CEP162: variants seen among roughly 807,000 people sequenced by gnomAD.
The protein encoded by CEP162 is centrosomal protein of 162 kDa.
Under a neutral mutation model 169.2 loss-of-function variants are expected in CEP162, and 141 were observed. The ratio of observed to expected loss-of-function variants is 0.83; its 90% CI spans 0.73 to 0.96. CEP162 has a LOEUF of 0.96. Ranked by LOEUF, CEP162 falls within the 40% of genes least tolerant of loss-of-function variation. CEP162 has a pLI of 0.00. For missense variants in CEP162, 1,600 were observed against 1,587.2 expected (o/e 1.01, Z -0.14); for synonymous variants, 540 against 526.4 (o/e 1.03, Z -0.35).
At chr6:84,164,005 C>CA (rs537600830) in intron 18 of CEP162, among the ~76,000 whole-genome samples, 1,130 of 83,198 alleles carry the variant, frequency 0.014, 5 homozygotes, top group East Asian at 0.031. Context: ...AACAAATTTA[C>CA]AAAAAAAAAA....
intron 18 of CEP162, among the ~76,000 whole-genome samples, chr6:84,165,853 T>G (rs985776634): frequency 1.3e-5 from 2 of 152,236 alleles, no homozygotes. Flanking sequence ...CAGATTTAAC[T>G]GCATCATTTC....
At chr6:84,223,654 C>T (rs1014700342) in intron 2 of CEP162, among the ~76,000 whole-genome samples, 26 of 152,102 alleles carry the variant, frequency 1.7e-4, no homozygotes, top group African/African-American at 6.3e-4. Context: ...CACCTGTAAT[C>T]CCAGCACTTT....
chr6:84,127,984 G>A (rs2099509634), intron 25 of CEP162, among the ~76,000 whole-genome samples: 1 of 152,166 alleles, frequency 6.6e-6, no homozygotes, highest in Admixed American at 6.5e-5. Context: ...GCACTTTACA[G>A]ATGTCTCATT....
intron 16 of CEP162, among the ~76,000 whole-genome samples, chr6:84,172,001 G>T (rs563269914): frequency 6.6e-6 from 1 of 152,280 alleles, no homozygotes; most frequent in Non-Finnish European, 1.5e-5. Context: ...CATTTCACAG[G>T]AGGTAAGTGG....
chr6:84,177,504 C>T (rs1562046599), intron 13 of CEP162, among the ~76,000 whole-genome samples: 3 of 152,100 alleles, frequency 2.0e-5, no homozygotes, highest in Non-Finnish European at 2.9e-5. Flanking sequence ...TGCCTCCCAC[C>T]CAGAGGTTCA....
chr6:84,196,108 C>T (rs1017685614), intron 9 of CEP162, among the ~76,000 whole-genome samples: 26 of 152,176 alleles, frequency 1.7e-4, no homozygotes, highest in African/African-American at 5.5e-4. Context: ...TGTGTCCCCA[C>T]CCAAATCTCA....
At chr6:84,170,111 C>A (rs1356190746) in intron 17 of CEP162, among the ~76,000 whole-genome samples, 1 of 152,002 alleles carries the variant, frequency 6.6e-6, no homozygotes, top group Non-Finnish European at 1.5e-5. Context: ...CGGTGGCTCA[C>A]GCCTGTAATC....
At chr6:84,215,499 T>C in intron 4 of CEP162, 34 bp from the exon 5 acceptor site, 1 of 1,445,824 alleles carries the variant, frequency 6.9e-7, no homozygotes, top group Non-Finnish European at 9.2e-7. Flanking sequence ...TTTAGTAATA[T>C]ACAGAATTTT....
chr6:84,178,024 TA>T (rs1273536534), intron 13 of CEP162, among the ~76,000 whole-genome samples: 1 of 152,204 alleles, frequency 6.6e-6, no homozygotes, highest in African/African-American at 2.4e-5. Context: ...ATTATTTTAT[TA>T]TGATATAATA....
At chr6:84,216,979 G>A (rs1307847113) in intron 3 of CEP162, among the ~76,000 whole-genome samples, 1 of 152,088 alleles carries the variant, frequency 6.6e-6, no homozygotes, top group Non-Finnish European at 1.5e-5. Context: ...TGTAGCAAAG[G>A]TTCTGAGTAT....
chr6:84,190,322 C>T (rs1348404239), intron 11 of CEP162, among the ~76,000 whole-genome samples: 1 of 152,110 alleles, frequency 6.6e-6, no homozygotes, highest in African/African-American at 2.4e-5. Context: ...CAAAACAGGC[C>T]ACTTGGCTCT....
intron 10 of CEP162, among the ~76,000 whole-genome samples, chr6:84,194,652 C>T (rs2099541375): frequency 6.6e-6 from 1 of 151,946 alleles, no homozygotes; most frequent in South Asian, 2.1e-4. Flanking sequence ...TGGGGTTTCA[C>T]CATGTTGCCC....
At chr6:84,180,126 C>T (rs1315388386) in intron 13 of CEP162, among the ~76,000 whole-genome samples, 1 of 152,118 alleles carries the variant, frequency 6.6e-6, no homozygotes, top group Non-Finnish European at 1.5e-5. Flanking sequence ...TCCAGCAGCA[C>T]ATCAAAAAGC....
chr6:84,180,763 A>C (rs1478204568), intron 13 of CEP162, among the ~76,000 whole-genome samples: 2 of 151,662 alleles, frequency 1.3e-5, no homozygotes, highest in Non-Finnish European at 2.9e-5. Context: ...AAAGAGAATA[A>C]AATACCTAGG....
chr6:84,205,372 C>T (rs9449838), intron 6 of CEP162, among the ~76,000 whole-genome samples: 5,558 of 152,228 alleles, frequency 0.037, 318 homozygotes, highest in African/African-American at 0.12. Flanking sequence ...TTATCCACCA[C>T]GATCAAGTTG....
At chr6:84,168,990 A>G (rs1018583229) in intron 18 of CEP162, among the ~76,000 whole-genome samples, 1 of 152,176 alleles carries the variant, frequency 6.6e-6, no homozygotes, top group African/African-American at 2.4e-5. Flanking sequence ...CAAATAAGGA[A>G]TTTGTTTGAA....
intron 25 of CEP162, among the ~76,000 whole-genome samples, chr6:84,127,619 A>C (rs2099509483): frequency 6.6e-6 from 1 of 152,172 alleles, no homozygotes; most frequent in African/African-American, 2.4e-5. Context: ...AAAGCTGATA[A>C]AGGCATAGTC....
Position 84,215,379 on chromosome 6 carries a change from C to A in CEP162, c.406G>T (p.Ala136Ser). 1 of 1,607,966 alleles carries A rather than the reference C, an allele frequency of 6.2e-7. No homozygotes were observed. Among genetic ancestry groups the A allele is most frequent in the South Asian group, 1.1e-5 (1 of 90,018 alleles). ...EEQEEKEQFFARLEKGLTSSI... is the reference protein window; with the variant it reads ...EEQEEKEQFFSRLEKGLTSSI... The stretch of plus-strand genomic sequence containing the variant: ...GATGTCAAGCCTTTCTCAAGCCTGG[C>A]AAAAAATTGTTCTTTCTCCTCTTGT... The change falls in exon 5 of 27, where the codon GCC (alanine) becomes TCC (serine). Residue 136 changes from alanine to serine, a missense_variant. Transcript: ENST00000403245.
At chr6:84,138,679 AAAGT>A (rs2099515188) in intron 25 of CEP162, among the ~76,000 whole-genome samples, 1 of 151,680 alleles carries the variant, frequency 6.6e-6, no homozygotes, top group Non-Finnish European at 1.5e-5. Context: ...AGATATTCTT[AAAGT>A]AAGAACTGTC....
Sources: gnomAD v4.1 joint callset for allele counts (sites outside exome capture counted in the v4.1 genomes callset) on GRCh38, gnomAD v4.1.1 for gene constraint, MANE v1.5 for transcripts, NCBI Gene and HGNC (gene_info 2026-07-23, HGNC 2026-07-21) for gene names.